Variants in PPP1R12B observed in about 807,000 individuals in gnomAD.
PPP1R12B encodes the protein myosin phosphatase target subunit 2.
In PPP1R12B, 76 loss-of-function variants were observed where a neutral mutation model predicts 126.1. That is an observed-to-expected ratio of 0.60 (90% CI 0.50 to 0.73). PPP1R12B has a LOEUF of 0.73. Ranked by LOEUF, PPP1R12B falls within the 30% of genes least tolerant of loss-of-function variation. The pLI is 0.00. For synonymous variants in PPP1R12B, 356 were observed against 434.7 expected (o/e 0.82, Z 2.25); for missense variants, 1,052 against 1,205.1 (o/e 0.87, Z 1.88).
intron 1 of PPP1R12B, among the ~76,000 whole-genome samples, chr1:202,392,908 TA>T (rs1419768937): frequency 1.3e-5 from 2 of 152,152 alleles, no homozygotes; most frequent in African/African-American, 2.4e-5. Flanking sequence ...CTATAATTTT[TA>T]AAAAAAGTAC....
intron 10 of PPP1R12B, 99 bp downstream of exon 10, chr1:202,438,123 T>A (rs762519613): frequency 2.5e-6 from 4 of 1,579,982 alleles, no homozygotes; most frequent in Non-Finnish European, 3.4e-6. Flanking sequence ...AGTCCTTAAG[T>A]TGATTTTGGA....
intron 13 of PPP1R12B, among the ~76,000 whole-genome samples, chr1:202,485,864 G>A (rs1322246549): frequency 6.6e-6 from 1 of 152,016 alleles, no homozygotes; most frequent in Non-Finnish European, 1.5e-5. Context: ...CTTATCTAGG[G>A]CTATTTTAAT....
intron 13 of PPP1R12B, among the ~76,000 whole-genome samples, chr1:202,467,232 T>C (rs1675131665): frequency 6.6e-6 from 1 of 152,082 alleles, no homozygotes; most frequent in Admixed American, 6.6e-5. Flanking sequence ...TTTTTTTTTT[T>C]TTTAATTATA....
chr1:202,530,688 G>A (rs569864114), intron 18 of PPP1R12B, among the ~76,000 whole-genome samples: 3 of 152,304 alleles, frequency 2.0e-5, no homozygotes, highest in South Asian at 4.1e-4. Flanking sequence ...TCCATGCTGT[G>A]CAACTTGTAT....
intron 13 of PPP1R12B, among the ~76,000 whole-genome samples, chr1:202,478,912 C>A (rs982174077): frequency 2.0e-5 from 3 of 152,128 alleles, no homozygotes; most frequent in Admixed American, 2.0e-4. Flanking sequence ...TAAGGGAGCC[C>A]TTTTTCTTTC....
intron 23 of PPP1R12B, among the ~76,000 whole-genome samples, chr1:202,573,074 T>C (rs4950779): frequency 0.037 from 5,690 of 152,314 alleles, 195 homozygotes; most frequent in Admixed American, 0.11. Flanking sequence ...TGACAATTAT[T>C]TGATAATGAT....
chr1:202,392,881 G>A (rs574978107), intron 1 of PPP1R12B, among the ~76,000 whole-genome samples: 1 of 152,048 alleles, frequency 6.6e-6, no homozygotes, highest in South Asian at 2.1e-4. Context: ...TGTGGTGATG[G>A]TTTCACTTAT....
intron 1 of PPP1R12B, among the ~76,000 whole-genome samples, chr1:202,382,437 T>A: frequency 8.9e-6 from 1 of 112,426 alleles, no homozygotes. Flanking sequence ...AAAATATATA[T>A]ATAAAAGAAA....
At chr1:202,370,787 CT>C (rs1660091531) in intron 1 of PPP1R12B, among the ~76,000 whole-genome samples, 1 of 152,116 alleles carries the variant, frequency 6.6e-6, no homozygotes, top group Non-Finnish European at 1.5e-5. Context: ...ATCCACCTGC[CT>C]CAGCCTCCTA....
At position 202,431,091 on chromosome 1, in the gene PPP1R12B, C is replaced by CCT. The variant is rs555732934; in HGVS notation, c.1001+284_1001+285dup. On this transcript the variant is annotated intron_variant, in intron 7 of 23. Transcript: ENST00000608999. The stretch of plus-strand genomic sequence containing the variant: ...TAGGCGCTCTTAGTCTCAACTTTTG[C>CCT]CTCTACTTACTGTAAGTTTCATGAA... Among the ~76,000 whole-genome samples, 6 of 152,286 alleles carry CCT rather than the reference C, an allele frequency of 3.9e-5. No individual in the cohort carries two copies. In the South Asian group the frequency reaches 1.2e-3, roughly 32 times the overall value.
chr1:202,516,769 T>C (rs1223495223), intron 18 of PPP1R12B, among the ~76,000 whole-genome samples: 1 of 152,214 alleles, frequency 6.6e-6, no homozygotes, highest in East Asian at 1.9e-4. Context: ...TCTCTCCTTG[T>C]TAAGAATAGA....
rs950211658 is a variant in PPP1R12B, at chr1:202,583,172, A to G, written c.*2612A>G. On this transcript the variant is annotated 3_prime_UTR_variant, in exon 24 of 24. Transcript: ENST00000608999. The stretch of plus-strand genomic sequence containing the variant: ...TTGATTATCCTGGAACATTTTGAAT[A>G]TTGGGGAAGGAAGATGATACTTCTT... 3.3e-5 allele frequency: 5 copies of G among 152,206 alleles called. No homozygotes were observed. Among genetic ancestry groups the G allele is most frequent in the Admixed American group, 1.3e-4 (2 of 15,284 alleles). 9.4% of individuals were successfully genotyped at this position (152,206 alleles called of 1,614,324 possible).
At chr1:202,459,394 G>A (rs542136654) in intron 13 of PPP1R12B, among the ~76,000 whole-genome samples, 7 of 152,288 alleles carry the variant, frequency 4.6e-5, no homozygotes, top group South Asian at 2.1e-4. Context: ...GGCTGTGATC[G>A]TTGAAGAGTA....
In PPP1R12B at chr1:202,564,437, C is replaced by T. The variant is rs771009440; in HGVS notation, c.2653-6C>T. ...ACGCTGATCCTCTTTTTTCCCTCTC[C>T]TCTAGCTCTATGAGAGTGCTCTGAC... On this transcript the variant is annotated splice_polypyrimidine_tract_variant and splice_region_variant and intron_variant, in intron 20 of 23. Transcript: ENST00000608999. 4 of 1,599,316 alleles carry T rather than the reference C, an allele frequency of 2.5e-6. No homozygotes were observed. The highest frequency in any genetic ancestry group is 3.4e-6 in the Non-Finnish European group (4 of 1,168,914).
At chr1:202,430,693 A>G (rs756170684) in intron 6 of PPP1R12B, 38 bp from the exon 7 acceptor site, 1 of 1,606,506 alleles carries the variant, frequency 6.2e-7, no homozygotes, top group South Asian at 1.1e-5. Context: ...ACCAATAGTC[A>G]ACTTCTTCCC....
chr1:202,515,889 G>C, intron 18 of PPP1R12B, among the ~76,000 whole-genome samples: 1 of 152,100 alleles, frequency 6.6e-6, no homozygotes, highest in Non-Finnish European at 1.5e-5. Flanking sequence ...ACCTTTCCTG[G>C]ATCAGATGAA....
At chr1:202,546,146 C>G (rs538917153) in intron 18 of PPP1R12B, among the ~76,000 whole-genome samples, 7 of 152,182 alleles carry the variant, frequency 4.6e-5, no homozygotes, top group African/African-American at 1.4e-4. Flanking sequence ...ATGTTAAGGG[C>G]CTAGGCAGAG....
intron 1 of PPP1R12B, among the ~76,000 whole-genome samples, chr1:202,386,984 G>A (rs1663249967): frequency 6.6e-6 from 1 of 152,166 alleles, no homozygotes; most frequent in African/African-American, 2.4e-5. Flanking sequence ...TTTTAGAAGA[G>A]CTTTTGTTCA....
rs574719622 is a variant in PPP1R12B, at chr1:202,520,545, C to G, written c.2490+23723C>G. Among the ~76,000 whole-genome samples, 4 of 152,332 alleles carry G rather than the reference C, an allele frequency of 2.6e-5. No individual in the cohort carries two copies. The South Asian group carries it at 8.3e-4, about 32-fold the overall frequency. On this transcript the variant is annotated intron_variant, in intron 18 of 23. Coordinates refer to ENST00000608999, the MANE Select transcript of PPP1R12B (RefSeq NM_002481.4). ...TAACCTTTTTAAAGTCATCTTCCTT[C>G]CATTTCTGATTTCCTAGTACATCTA...
Sources: allele counts gnomAD v4.1 joint callset (sites outside exome capture counted in the v4.1 genomes callset), GRCh38; gene constraint gnomAD v4.1.1; transcripts MANE v1.5; gene names NCBI Gene and HGNC (gene_info 2026-07-23, HGNC 2026-07-21).